The following TAS2R1 variants were observed in gnomAD, a reference collection of about 807,000 sequenced individuals.
The protein encoded by TAS2R1 is taste receptor type 2 member 1.
For missense variants in TAS2R1, 370 were observed against 353.4 expected, an observed-to-expected ratio of 1.05 and a Z score of -0.38; for synonymous variants, 141 against 134.2, an observed-to-expected ratio of 1.05 and a Z score of -0.35.
the TAS2R1 span, among the ~76,000 whole-genome samples, chr5:9,776,542 C>T: frequency 6.6e-6 from 1 of 152,176 alleles, no homozygotes. Context: ...CTTCTCCTGC[C>T]TCCTCTCCTA....
intron 1 of TAS2R1, among the ~76,000 whole-genome samples, chr5:9,690,715 C>G (rs1037199930): frequency 8.6e-5 from 13 of 151,830 alleles, no homozygotes; most frequent in Non-Finnish European, 1.6e-4. Flanking sequence ...CAGACATAAA[C>G]AAGCAGAAGA....
the TAS2R1 span, among the ~76,000 whole-genome samples, chr5:9,855,871 C>T: frequency 6.6e-6 from 1 of 152,044 alleles, no homozygotes; most frequent in Admixed American, 6.5e-5. Context: ...TTTTGCTTTT[C>T]AATCCTGGTT....
At chr5:9,667,557 G>A (rs1024477690) in intron 1 of TAS2R1, among the ~76,000 whole-genome samples, 4 of 152,260 alleles carry the variant, frequency 2.6e-5, no homozygotes, top group Non-Finnish European at 5.9e-5. Context: ...GGGTTGACCT[G>A]GAAAGGATAT....
chr5:9,762,099 A>C, the TAS2R1 span, among the ~76,000 whole-genome samples: 1 of 152,186 alleles, frequency 6.6e-6, no homozygotes, highest in Non-Finnish European at 1.5e-5. Flanking sequence ...TTACAAGAAC[A>C]TGGAAACCTT....
the TAS2R1 span, among the ~76,000 whole-genome samples, chr5:9,900,824 C>T: frequency 6.6e-6 from 1 of 152,024 alleles, no homozygotes; most frequent in East Asian, 1.9e-4. Flanking sequence ...GGGGTTTCAC[C>T]GTGTTAGGCA....
At chr5:9,892,237 C>T in the TAS2R1 span, among the ~76,000 whole-genome samples, 1 of 152,208 alleles carries the variant, frequency 6.6e-6, no homozygotes, top group South Asian at 2.1e-4. Flanking sequence ...TTGTAGGCTG[C>T]AGAAGACATT....
chr5:9,884,278 A>G, the TAS2R1 span, among the ~76,000 whole-genome samples: 19 of 151,872 alleles, frequency 1.3e-4, no homozygotes, highest in Non-Finnish European at 1.9e-4. Flanking sequence ...GATCGAGACC[A>G]TCCTGGCTAA....
chr5:9,846,113 T>C, the TAS2R1 span, among the ~76,000 whole-genome samples: 1 of 152,086 alleles, frequency 6.6e-6, no homozygotes, highest in Non-Finnish European at 1.5e-5. Flanking sequence ...CAAATATAAT[T>C]AGATGAGATT....
At chr5:9,731,189 C>T in the TAS2R1 span, among the ~76,000 whole-genome samples, 1 of 152,024 alleles carries the variant, frequency 6.6e-6, no homozygotes. Context: ...CATTCATCTC[C>T]TTTATCTCTT....
At chr5:9,644,564 T>C (rs1383945707) in intron 2 of TAS2R1, among the ~76,000 whole-genome samples, 1 of 152,166 alleles carries the variant, frequency 6.6e-6, no homozygotes, top group Non-Finnish European at 1.5e-5. Context: ...AGACGGCTAC[T>C]GCAGGTAGAG....
chr5:9,706,720 A>G (rs1235446038), intron 1 of TAS2R1, among the ~76,000 whole-genome samples: 1 of 152,106 alleles, frequency 6.6e-6, no homozygotes, highest in Non-Finnish European at 1.5e-5. Context: ...AGGATATTTG[A>G]GTGCTCAGAA....
chr5:9,659,190 T>G (rs555084569), intron 2 of TAS2R1, among the ~76,000 whole-genome samples: 1 of 152,112 alleles, frequency 6.6e-6, no homozygotes, highest in Admixed American at 6.5e-5. Flanking sequence ...AAGTGGACAA[T>G]TGCACCCTAC....
chr5:9,746,627 G>A, the TAS2R1 span, among the ~76,000 whole-genome samples: 74 of 152,334 alleles, frequency 4.9e-4, no homozygotes, highest in Middle Eastern at 3.4e-3. Context: ...GGACATAGAT[G>A]AAGCTGGAAG....
At chr5:9,667,225 C>T (rs922144030) in intron 1 of TAS2R1, among the ~76,000 whole-genome samples, 1 of 152,200 alleles carries the variant, frequency 6.6e-6, no homozygotes, top group Non-Finnish European at 1.5e-5. Context: ...CCTCAACTTG[C>T]AGCTTCCTGT....
At chr5:9,678,494 C>T (rs966818168) in intron 1 of TAS2R1, among the ~76,000 whole-genome samples, 8 of 152,106 alleles carry the variant, frequency 5.3e-5, no homozygotes, top group Non-Finnish European at 1.0e-4. Flanking sequence ...ATGTTCATTG[C>T]AGCACTATTC....
At chr5:9,771,873 G>A in the TAS2R1 span, among the ~76,000 whole-genome samples, 2 of 151,740 alleles carry the variant, frequency 1.3e-5, no homozygotes, top group Non-Finnish European at 2.9e-5. Flanking sequence ...TTCATCTCTG[G>A]TTTTATTTAT....
intron 1 of TAS2R1, among the ~76,000 whole-genome samples, chr5:9,678,941 AG>A (rs1157527419): frequency 6.6e-6 from 1 of 152,216 alleles, no homozygotes; most frequent in East Asian, 1.9e-4. Flanking sequence ...TTAAAATAAA[AG>A]TTGATGGAAA....
chr5:9,719,704 G>A, the TAS2R1 span, among the ~76,000 whole-genome samples: 36 of 151,952 alleles, frequency 2.4e-4, no homozygotes, highest in Non-Finnish European at 4.7e-4. Flanking sequence ...CGAGGCGGGC[G>A]GATCACGAGG....
the TAS2R1 span, among the ~76,000 whole-genome samples, chr5:9,758,604 C>T: frequency 2.6e-5 from 4 of 152,148 alleles, no homozygotes; most frequent in South Asian, 8.3e-4. Context: ...AACCATATTT[C>T]CAATCCTTGC....
Sources: allele counts gnomAD v4.1 joint callset (sites outside exome capture counted in the v4.1 genomes callset), GRCh38; gene constraint gnomAD v4.1.1; transcripts MANE v1.5; gene names NCBI Gene and HGNC (gene_info 2026-07-23, HGNC 2026-07-21).